The following AUTS2 variants were observed in gnomAD, a reference collection of about 807,000 sequenced individuals.
The protein encoded by AUTS2 is activator of transcription and developmental regulator AUTS2, also known as autism susceptibility gene 2 protein.
AUTS2 carries 17 observed loss-of-function variants against 112.4 expected under a neutral mutation model. The observed-to-expected ratio is 0.15, with a 90% CI of 0.10 to 0.23. The LOEUF (loss-of-function observed/expected upper bound fraction) is 0.23. Among genes scored for constraint, AUTS2 ranks in the 10% least tolerant of loss-of-function variants. The pLI is 1.00. For synonymous variants in AUTS2, 751 were observed against 702.7 expected (o/e 1.07, Z -1.09); for missense variants, 1,510 against 1,701.6 (o/e 0.89, Z 1.98).
chr7:69,723,752 T>C (rs1360388812), intron 1 of AUTS2, among the ~76,000 whole-genome samples: 1 of 152,106 alleles, frequency 6.6e-6, no homozygotes, highest in Non-Finnish European at 1.5e-5. Context: ...GGTGGCAGAG[T>C]GCTAGAAATG....
chr7:70,790,219 G>A lies in AUTS2; in HGVS notation c.3003G>A (p.Arg1001=). ...CTCCAGAGGCCCCGCAGACCCACCGGGCCTCGGAGCCGCCGCCTCCCAACT... is the reference window on the plus strand; with the variant it reads ...CTCCAGAGGCCCCGCAGACCCACCGAGCCTCGGAGCCGCCGCCTCCCAACT... ...DLPPEAPQTH[R]ASEPPPPNSS... The change falls in exon 19 of 19, where the codon CGG becomes CGA. Residue 1001 remains arginine (R), a synonymous_variant. Transcript: ENST00000342771. The surrounding 1 kb of genome is among the most constrained non-coding windows in gnomAD (Gnocchi z 7.6). 6.2e-7 allele frequency: 1 copy of A among 1,612,500 alleles called. No individual in the cohort carries two copies. The highest frequency in any genetic ancestry group is 8.5e-7 in the Non-Finnish European group (1 of 1,179,726).
At chr7:69,645,878 T>C (rs1794997837) in intron 1 of AUTS2, among the ~76,000 whole-genome samples, 1 of 152,032 alleles carries the variant, frequency 6.6e-6, no homozygotes, top group African/African-American at 2.4e-5. Flanking sequence ...CAACGAGCGT[T>C]AATTGAAAAG....
chr7:69,635,784 A>AT (rs1235768385), intron 1 of AUTS2, among the ~76,000 whole-genome samples: 1 of 152,226 alleles, frequency 6.6e-6, no homozygotes, highest in Non-Finnish European at 1.5e-5. Flanking sequence ...CTTTCGCTGT[A>AT]TTTTACAAAG....
chr7:70,213,238 C>T (rs12698874), intron 4 of AUTS2, among the ~76,000 whole-genome samples: 17,129 of 151,614 alleles, frequency 0.11, 1,045 homozygotes, highest in Admixed American at 0.15. Context: ...AAAAAGTTAC[C>T]ATTTTAGGCT....
chr7:70,101,740 G>T (rs1438762383), intron 2 of AUTS2, among the ~76,000 whole-genome samples: 1 of 151,942 alleles, frequency 6.6e-6, no homozygotes, highest in Non-Finnish European at 1.5e-5. Context: ...AAAAGGTAGA[G>T]AGTATGTCTA....
At chr7:69,967,016 A>G (rs1051410168) in intron 2 of AUTS2, among the ~76,000 whole-genome samples, 1 of 152,158 alleles carries the variant, frequency 6.6e-6, no homozygotes, top group African/African-American at 2.4e-5. Context: ...CTCTGGTACA[A>G]AAGGTTAGAA....
intron 1 of AUTS2, among the ~76,000 whole-genome samples, chr7:69,612,014 G>C (rs1299287508): frequency 6.7e-6 from 1 of 149,676 alleles, no homozygotes; most frequent in Non-Finnish European, 1.5e-5. Context: ...GCTTCAAACT[G>C]TCCAGTAAAA....
chr7:70,300,258 G>A (rs570098728), intron 4 of AUTS2, among the ~76,000 whole-genome samples: 1 of 152,218 alleles, frequency 6.6e-6, no homozygotes, highest in South Asian at 2.1e-4. Flanking sequence ...TAATAATAAT[G>A]GCAGAAACAT....
At chr7:70,154,216 A>G (rs571883603) in intron 4 of AUTS2, among the ~76,000 whole-genome samples, 3 of 152,284 alleles carry the variant, frequency 2.0e-5, no homozygotes, top group African/African-American at 4.8e-5. Context: ...CTATGTCACT[A>G]TGTCATTTCC....
At chr7:70,721,084 T>A (rs1164556206) in intron 6 of AUTS2, among the ~76,000 whole-genome samples, 12 of 70,974 alleles carry the variant, frequency 1.7e-4, no homozygotes, top group Non-Finnish European at 2.2e-4. Flanking sequence ...TTGAGTTTTT[T>A]AATAATAATA....
At chr7:69,991,281 G>A (rs982540756) in intron 2 of AUTS2, among the ~76,000 whole-genome samples, 2 of 152,216 alleles carry the variant, frequency 1.3e-5, no homozygotes, top group African/African-American at 4.8e-5. Context: ...AGGTGATGCA[G>A]TGTAGGAAAG....
chr7:69,691,746 G>A (rs1013165569), intron 1 of AUTS2, among the ~76,000 whole-genome samples: 1 of 152,098 alleles, frequency 6.6e-6, no homozygotes. Context: ...TCGGTATGGG[G>A]TGGGGCTCCT....
At chr7:70,309,994 A>G (rs949384943) in intron 4 of AUTS2, among the ~76,000 whole-genome samples, 1 of 152,230 alleles carries the variant, frequency 6.6e-6, no homozygotes, top group Non-Finnish European at 1.5e-5. Flanking sequence ...CAAACTTGTT[A>G]CTTAGTTTTT....
chr7:70,315,732 C>T (rs1789964039), intron 4 of AUTS2, among the ~76,000 whole-genome samples: 1 of 152,192 alleles, frequency 6.6e-6, no homozygotes, highest in Non-Finnish European at 1.5e-5. Flanking sequence ...CTCTCTCTTA[C>T]CCTCATATCC....
At position 70,512,837 on chromosome 7, in the gene AUTS2, G is replaced by GAA. The variant is rs5884784; in HGVS notation, c.690+77067_690+77068dup. ...TGTTTCTTCCCAAAACTCACTTAAA[G>GAA]AAAAAAAAAAAACCATGCAGCTTTT... On this transcript the variant is annotated intron_variant, in intron 5 of 18. Transcript: ENST00000342771. 1.9e-3 allele frequency among the ~76,000 whole-genome samples: 275 copies of GAA among 144,750 alleles called. 1 individual carries two copies. Among genetic ancestry groups the GAA allele is most frequent in the Non-Finnish European group, 1.9e-3 (123 of 65,672 alleles). The allele number at this position is 144,750 out of a possible 152,430, so 95.0% of individuals were successfully genotyped here. A position where few individuals can be genotyped will look rare whatever the true frequency, so the allele number is the denominator to read the frequency against.
At chr7:69,685,745 A>G (rs1029219358) in intron 1 of AUTS2, among the ~76,000 whole-genome samples, 1 of 150,110 alleles carries the variant, frequency 6.7e-6, no homozygotes, top group Non-Finnish European at 1.5e-5. Context: ...TTAAATAGAG[A>G]CAATGTCTCA....
At position 69,598,553 on chromosome 7, in the gene AUTS2, G is replaced by A. The variant is rs868078921; in HGVS notation, c.-1101G>A. ...TCGGGGCTTTCTCGGCGGCGGCGGC[G>A]GCAGCAGCAGCAGCGTTAGCGGCGG... On this transcript the variant is annotated 5_prime_UTR_variant, in exon 1 of 19. Coordinates refer to ENST00000342771, the MANE Select transcript of AUTS2 (RefSeq NM_015570.4). The A allele has an allele frequency of 2.3e-5, 4 of 172,662 alleles. No individual in the cohort carries two copies. The highest frequency in any genetic ancestry group is 2.4e-5 in the Non-Finnish European group (2 of 82,388). 10.7% of individuals were successfully genotyped at this position (172,662 alleles called of 1,614,324 possible).
chr7:70,626,311 C>T (rs570041796), intron 5 of AUTS2, among the ~76,000 whole-genome samples: 34 of 143,908 alleles, frequency 2.4e-4, no homozygotes, highest in African/African-American at 8.4e-4. Flanking sequence ...ATTGCTTGAG[C>T]CTAAAAGTTT....
At chr7:70,232,513 C>T (rs1461952156) in intron 4 of AUTS2, among the ~76,000 whole-genome samples, 4 of 151,964 alleles carry the variant, frequency 2.6e-5, no homozygotes, top group African/African-American at 9.7e-5. Context: ...AAATGATTCT[C>T]GAACCTCAGA....
Sources: gnomAD v4.1 joint callset for allele counts (sites outside exome capture counted in the v4.1 genomes callset) on GRCh38, gnomAD v4.1.1 for gene constraint, Gnocchi (gnomAD v3.1) non-coding constraint, MANE v1.5 for transcripts, NCBI Gene and HGNC (gene_info 2026-07-23, HGNC 2026-07-21) for gene names.